The following PGCKA1 variants were observed in gnomAD, a reference collection of about 807,000 sequenced individuals.
PGCKA1 encodes PDCD10 and GCKIII kinases-associated protein 1.
At chr4:37,548,708 C>T in the PGCKA1 span, among the ~76,000 whole-genome samples, 1 of 152,238 alleles carries the variant, frequency 6.6e-6, no homozygotes, top group South Asian at 2.1e-4. Flanking sequence ...CATTATTAAA[C>T]ATAAAATGGT....
chr4:37,542,797 A>G, the PGCKA1 span, among the ~76,000 whole-genome samples: 1 of 152,172 alleles, frequency 6.6e-6, no homozygotes, highest in Non-Finnish European at 1.5e-5. Flanking sequence ...CTCCATTTTC[A>G]TAGTGTTTTG....
the PGCKA1 span, chr4:37,588,756 T>A: frequency 1.1e-6 from 1 of 916,746 alleles, no homozygotes; most frequent in Non-Finnish European, 1.8e-6. Flanking sequence ...CTTAATACAT[T>A]TTGAGTCTCT....
At chr4:37,500,418 T>A in the PGCKA1 span, among the ~76,000 whole-genome samples, 1 of 152,238 alleles carries the variant, frequency 6.6e-6, no homozygotes, top group African/African-American at 2.4e-5. Context: ...TTCCATGTAA[T>A]TATATGATTT....
chr4:37,589,662 C>T, the PGCKA1 span, among the ~76,000 whole-genome samples: 5 of 152,288 alleles, frequency 3.3e-5, no homozygotes, highest in Middle Eastern at 6.8e-3. Flanking sequence ...AAGACTGTCT[C>T]GCTCTGTCAT....
At chr4:37,527,525 A>G in the PGCKA1 span, among the ~76,000 whole-genome samples, 1 of 152,150 alleles carries the variant, frequency 6.6e-6, no homozygotes, top group East Asian at 1.9e-4. Flanking sequence ...TTAGATACAT[A>G]AATACTTTTA....
the PGCKA1 span, among the ~76,000 whole-genome samples, chr4:37,563,774 C>G: frequency 6.6e-6 from 1 of 152,188 alleles, no homozygotes; most frequent in Non-Finnish European, 1.5e-5. Flanking sequence ...AAAACTTCCT[C>G]AGCATTTTTA....
the PGCKA1 span, among the ~76,000 whole-genome samples, chr4:37,459,400 A>G: frequency 6.6e-6 from 1 of 152,360 alleles, no homozygotes; most frequent in Non-Finnish European, 1.5e-5. Context: ...TTAATATCTC[A>G]AAAGATCCTC....
chr4:37,501,772 A>G, the PGCKA1 span, among the ~76,000 whole-genome samples: 1 of 152,134 alleles, frequency 6.6e-6, no homozygotes, highest in African/African-American at 2.4e-5. Context: ...CAGCCATCTC[A>G]GCCCAGTTCA....
the PGCKA1 span, among the ~76,000 whole-genome samples, chr4:37,572,555 A>G: frequency 2.2e-3 from 340 of 152,300 alleles, 1 homozygote; most frequent in African/African-American, 7.8e-3. Context: ...AAGCAGTTAT[A>G]TAAACCATGG....
the PGCKA1 span, among the ~76,000 whole-genome samples, chr4:37,582,168 C>G: frequency 6.6e-6 from 1 of 152,174 alleles, no homozygotes; most frequent in Non-Finnish European, 1.5e-5. Context: ...GATTGTCTTT[C>G]CTACTACCCT....
the PGCKA1 span, among the ~76,000 whole-genome samples, chr4:37,517,078 T>C: frequency 2.0e-5 from 3 of 151,858 alleles, no homozygotes; most frequent in Non-Finnish European, 4.4e-5. Context: ...GAAGAAACCC[T>C]GTCTCTACTA....
the PGCKA1 span, among the ~76,000 whole-genome samples, chr4:37,564,124 A>G: frequency 4.1e-4 from 63 of 151,856 alleles, no homozygotes; most frequent in Non-Finnish European, 2.4e-4. Flanking sequence ...AATACAAAAA[A>G]TTAGCTGGGC....
chr4:37,530,407 A>G, the PGCKA1 span, among the ~76,000 whole-genome samples: 1 of 150,522 alleles, frequency 6.6e-6, no homozygotes, highest in Non-Finnish European at 1.5e-5. Context: ...CCCTGTCTCT[A>G]CCAAAAGAAT....
the PGCKA1 span, among the ~76,000 whole-genome samples, chr4:37,477,895 T>C: frequency 1.3e-5 from 2 of 152,118 alleles, no homozygotes; most frequent in Non-Finnish European, 2.9e-5. Flanking sequence ...AGACATAAAT[T>C]ATCCTGTGAT....
At chr4:37,509,653 C>T in the PGCKA1 span, among the ~76,000 whole-genome samples, 75,328 of 147,708 alleles carry the variant, frequency 0.51, 19,730 homozygotes, top group African/African-American at 0.61. Flanking sequence ...ATCACGCCAC[C>T]GCACTCCAGC....
chr4:37,539,383 G>C, the PGCKA1 span, among the ~76,000 whole-genome samples: 1 of 152,156 alleles, frequency 6.6e-6, no homozygotes, highest in South Asian at 2.1e-4. Context: ...GCAGCCGGGC[G>C]CGGTGGCTCA....
the PGCKA1 span, among the ~76,000 whole-genome samples, chr4:37,557,348 GTAA>G: frequency 1.3e-5 from 2 of 152,146 alleles, no homozygotes; most frequent in Non-Finnish European, 2.9e-5. Context: ...TTTATCAATA[GTAA>G]TAACAACTAG....
At chr4:37,506,419 T>G in the PGCKA1 span, among the ~76,000 whole-genome samples, 2 of 152,216 alleles carry the variant, frequency 1.3e-5, no homozygotes, top group African/African-American at 4.8e-5. Context: ...GCTATAAACT[T>G]TCCTCAAAGT....
the PGCKA1 span, among the ~76,000 whole-genome samples, chr4:37,550,014 G>T: frequency 6.6e-6 from 1 of 152,224 alleles, no homozygotes; most frequent in Non-Finnish European, 1.5e-5. Flanking sequence ...TCAAGTCACT[G>T]AGGTAGGACA....
Sources: allele counts gnomAD v4.1 joint callset (sites outside exome capture counted in the v4.1 genomes callset), GRCh38; gene constraint gnomAD v4.1.1; transcripts MANE v1.5; gene names NCBI Gene and HGNC (gene_info 2026-07-23, HGNC 2026-07-21).